Variants in RAPGEF1 observed in about 807,000 individuals in gnomAD.
The protein encoded by RAPGEF1 is Rap guanine nucleotide exchange factor 1, also known as CRK SH3-binding GNRP.
RAPGEF1 carries 33 observed loss-of-function variants against 143.3 expected under a neutral mutation model. That is an observed-to-expected ratio of 0.23 (90% CI 0.17 to 0.31). The LOEUF (loss-of-function observed/expected upper bound fraction) is 0.31, where lower values mean the gene tolerates loss of function less well. RAPGEF1 is among the 10% of genes least tolerant of loss of function. RAPGEF1 has a pLI of 1.00. For synonymous variants in RAPGEF1, 629 were observed against 676.5 expected (o/e 0.93, Z 1.09); for missense variants, 1,199 against 1,645.4 (o/e 0.73, Z 4.69).
chr9:131,582,299 C>T (rs987018271), intron 25 of RAPGEF1, among the ~76,000 whole-genome samples: 20 of 151,914 alleles, frequency 1.3e-4, no homozygotes, highest in African/African-American at 4.6e-4. Flanking sequence ...CACATGCTCA[C>T]GGGCAGGCTA....
At position 131,724,512 on chromosome 9, in the gene RAPGEF1, G is replaced by A. The variant is rs866534886; in HGVS notation, c.61+15258C>T. ...CGGGAGGCTGAGGCAGAAGAATGGCGTGAACCCGGGAGGCGGAGCTTGCAG... is the reference window on the plus strand; with the variant it reads ...CGGGAGGCTGAGGCAGAAGAATGGCATGAACCCGGGAGGCGGAGCTTGCAG... On this transcript the variant is annotated intron_variant, in intron 1 of 26. Coordinates refer to ENST00000683357, the MANE Select transcript of RAPGEF1 (RefSeq NM_001377935.1). Among the ~76,000 whole-genome samples, 7 of 152,068 alleles carry A rather than the reference G, an allele frequency of 4.6e-5. 1 individual carries two copies. In the South Asian group the frequency reaches 8.3e-4, roughly 18 times the overall value.
intron 18 of RAPGEF1, 27 bp from the exon 19 acceptor site, chr9:131,590,005 A>T (rs1953920971): frequency 6.2e-7 from 1 of 1,601,450 alleles, no homozygotes; most frequent in South Asian, 1.1e-5. Context: ...AGAAATAGCC[A>T]TGTGGTCGGC....
chr9:131,584,566 C>A lies in RAPGEF1; in HGVS notation c.3264G>T (p.Lys1088Asn). Residue 1088 changes from lysine (K) to asparagine (N), a missense_variant, in exon 23 of 27, where the codon AAG (lysine) becomes AAT (asparagine). Coordinates refer to ENST00000683357, the MANE Select transcript of RAPGEF1 (RefSeq NM_001377935.1). This position sits in a 1 kb window ranked among gnomAD's most constrained non-coding sequence, Gnocchi z 6.8. ...AGAGCAGCCGTTCCCTGTCCTGGGC[C>A]TTTTCCTGTAACATGATTATGGACC... ...WVRSIIMLQE[K>N]AQDRERLLLK... The A allele has an allele frequency of 6.2e-7, 1 of 1,613,972 alleles. No homozygotes were observed. The highest frequency in any genetic ancestry group is 8.5e-7 in the Non-Finnish European group (1 of 1,179,888).
intron 1 of RAPGEF1, among the ~76,000 whole-genome samples, chr9:131,670,312 C>T (rs1392386649): frequency 1.3e-5 from 2 of 152,202 alleles, no homozygotes; most frequent in Non-Finnish European, 2.9e-5. Flanking sequence ...CCACTTAAGT[C>T]AGCACCCACT....
At chr9:131,587,176 C>T (rs1262511909) in intron 22 of RAPGEF1, among the ~76,000 whole-genome samples, 3 of 104,060 alleles carry the variant, frequency 2.9e-5, no homozygotes, top group South Asian at 3.9e-4. Flanking sequence ...AGCGAGACTC[C>T]GTCTCAAACA....
chr9:131,708,886 C>G (rs1315244825), intron 1 of RAPGEF1, among the ~76,000 whole-genome samples: 1 of 152,126 alleles, frequency 6.6e-6, no homozygotes, highest in South Asian at 2.1e-4. Context: ...GTGCCCACCA[C>G]CAGGCCTGGC....
At chr9:131,649,021 C>T (rs1225457390) in intron 3 of RAPGEF1, among the ~76,000 whole-genome samples, 1 of 151,784 alleles carries the variant, frequency 6.6e-6, no homozygotes, top group East Asian at 1.9e-4. Flanking sequence ...TTTTACATTG[C>T]TAAGTTTAGT....
Position 131,641,067 on chromosome 9 carries a change from A to G in RAPGEF1, c.494+2172T>C, listed in dbSNP as rs1967816061. 6.6e-6 allele frequency among the ~76,000 whole-genome samples: 1 copy of G among 152,150 alleles called. No homozygotes were observed. Among genetic ancestry groups the G allele is most frequent in the Non-Finnish European group, 1.5e-5 (1 of 68,022 alleles). ...AATGTCAATTAAGAGCCACCCCTCA[A>G]TAGACAAAAAATACCCCCAGCCATT... On this transcript the variant is annotated intron_variant, in intron 4 of 26. Coordinates refer to ENST00000683357, the MANE Select transcript of RAPGEF1 (RefSeq NM_001377935.1). The surrounding 1 kb of genome is among the most constrained non-coding windows in gnomAD (Gnocchi z 4.6).
In RAPGEF1 at chr9:131,626,011, G is replaced by T; in HGVS notation, c.1613C>A (p.Pro538His). ...AGTAAAATCACCCACAAATTCGACA[G>T]GGGCTGAGGAACCTCCATGCTGAAA... ...LPFQHGGSSA[P>H]VEFVGDFTAP... The change falls in exon 10 of 27, where the codon CCT (proline) becomes CAT (histidine). Residue 538 changes from proline to histidine, a missense_variant. By Grantham distance (77) the Pro-to-His change is moderately conservative (BLOSUM62 -2). Around this residue, in one of 6 missense-constraint regions of RAPGEF1, gnomAD observed 613 missense variants for 710.9 expected, o/e 0.86. Transcript: ENST00000683357. The T allele has an allele frequency of 6.2e-7, 1 of 1,610,310 alleles. No individual in the cohort carries two copies. Among genetic ancestry groups the T allele is most frequent in the Non-Finnish European group, 8.5e-7 (1 of 1,176,714 alleles).
intron 5 of RAPGEF1, among the ~76,000 whole-genome samples, chr9:131,631,103 A>T (rs866169676): frequency 3.9e-5 from 6 of 152,198 alleles, no homozygotes; most frequent in African/African-American, 1.4e-4. Flanking sequence ...ATTATCATAG[A>T]TTACTTTTGC....
Position 131,638,780 on chromosome 9 carries a change from G to A in RAPGEF1, c.506C>T (p.Ser169Phe), listed in dbSNP as rs1252633175. The part of the protein sequence containing the change: ...DPRIQHSSAL[S>F]SCYSRVYQSL... ...TTGGTACACTCGGCTATAGCAGGAAGAGAGGGCTGAGCTACAGGGAAGAGA... is the reference window on the plus strand; with the variant it reads ...TTGGTACACTCGGCTATAGCAGGAAAAGAGGGCTGAGCTACAGGGAAGAGA... Residue 169 changes from serine to phenylalanine, a missense_variant, in exon 5 of 27, where the codon TCT becomes TTT. Around this residue, in one of 6 missense-constraint regions of RAPGEF1, gnomAD observed 613 missense variants for 710.9 expected, o/e 0.86. Coordinates refer to ENST00000683357, the MANE Select transcript of RAPGEF1 (RefSeq NM_001377935.1). 1 of 1,613,774 alleles carries A rather than the reference G, an allele frequency of 6.2e-7. No individual in the cohort carries two copies. Among genetic ancestry groups the A allele is most frequent in the Non-Finnish European group, 8.5e-7 (1 of 1,179,848 alleles).
intron 12 of RAPGEF1, among the ~76,000 whole-genome samples, chr9:131,613,364 C>T (rs186834508): frequency 6.6e-6 from 1 of 152,182 alleles, no homozygotes; most frequent in East Asian, 1.9e-4. Flanking sequence ...TGGGGAGAAG[C>T]AGTGTGAGGG....
rs1951537982 is a variant in RAPGEF1, at chr9:131,579,571, G to A, written c.3718C>T (p.Leu1240=). 2 of 1,613,908 alleles carry A rather than the reference G, an allele frequency of 1.2e-6. No individual in the cohort carries two copies. The highest frequency in any genetic ancestry group is 1.7e-6 in the Non-Finnish European group (2 of 1,179,884). ...DFSDHLAEEA[L]WELSLKIKPR... is the part of the protein sequence containing the mutation. ...TTAATTTTCAGAGACAGTTCCCATA[G>A]GGCCTCCTCAGCCAGGTGGTCACTG... is the stretch of plus-strand genomic sequence containing the variant. Residue 1240 remains leucine, a synonymous_variant, in exon 27 of 27, where the codon CTA becomes TTA. Transcript: ENST00000683357.
At chr9:131,643,188 T>C (rs7854489) in intron 4 of RAPGEF1, 51 bp downstream of exon 4, 456,239 of 1,541,620 alleles carry the variant, frequency 0.3, 69,040 homozygotes, top group South Asian at 0.36. Flanking sequence ...ACCAAGATGC[T>C]TCTAAGGCTT....
intron 1 of RAPGEF1, among the ~76,000 whole-genome samples, chr9:131,663,083 A>G (rs1829840049): frequency 6.6e-6 from 1 of 151,948 alleles, no homozygotes; most frequent in South Asian, 2.1e-4. Context: ...ACATTCTGCC[A>G]TGCCCGCTTT....
chr9:131,712,906 C>A (rs752609749), intron 1 of RAPGEF1, among the ~76,000 whole-genome samples: 3 of 152,070 alleles, frequency 2.0e-5, no homozygotes, highest in Non-Finnish European at 2.9e-5. Context: ...CTTAAGAATT[C>A]CTCTCTAATC....
Position 131,605,077 on chromosome 9 carries a change from G to T in RAPGEF1, c.2173C>A (p.His725Asn), listed in dbSNP as rs745938419. Residue 725 changes from histidine (H) to asparagine (N), a missense_variant, in exon 13 of 27, where the codon CAC (histidine) becomes AAC (asparagine). Physicochemically the swap from His to Asn is moderately conservative, Grantham distance 68. Coordinates refer to ENST00000683357, the MANE Select transcript of RAPGEF1 (RefSeq NM_001377935.1). ...GCTAAGTCAGAGCTCTGAGACTGGT[G>T]GGCAGGTGGGAAATGTGGAGAGGAA... Reference protein sequence around the residue: ...SSSSPHFPPAHQSQSSDLAVP... With the variant: ...SSSSPHFPPANQSQSSDLAVP... 36 of 1,365,366 alleles carry T rather than the reference G, an allele frequency of 2.6e-5. No homozygotes were observed. The highest frequency in any genetic ancestry group is 3.2e-5 in the Non-Finnish European group (33 of 1,021,516). The allele number at this position is 1,365,366 out of a possible 1,614,324, so 84.6% of individuals were successfully genotyped here.
At chr9:131,598,383 G>A (rs777801363) in intron 15 of RAPGEF1, 73 bp from the exon 16 acceptor site, 18 of 1,347,208 alleles carry the variant, frequency 1.3e-5, no homozygotes, top group Non-Finnish European at 1.8e-5. Flanking sequence ...CCAAGGCAGT[G>A]CCGGTGTGCA....
At chr9:131,735,673 A>C (rs1042840809) in intron 1 of RAPGEF1, among the ~76,000 whole-genome samples, 3 of 152,228 alleles carry the variant, frequency 2.0e-5, no homozygotes, top group Non-Finnish European at 2.9e-5. Flanking sequence ...GAGGGGATGC[A>C]AACGCAAATG....
Sources: allele counts gnomAD v4.1 joint callset (sites outside exome capture counted in the v4.1 genomes callset), GRCh38; gene constraint gnomAD v4.1.1; regional missense constraint gnomAD v4.1.1; non-coding constraint Gnocchi (gnomAD v3.1); transcripts MANE v1.5; gene names NCBI Gene and HGNC (gene_info 2026-07-23, HGNC 2026-07-21).